Variants in FERMT3 observed in about 807,000 individuals in gnomAD.
FERMT3 encodes the protein FERM domain containing kindlin 3, also known as fermitin family homolog 3.
In FERMT3, 33 loss-of-function variants were observed where a neutral mutation model predicts 80.8. The ratio of observed to expected loss-of-function variants is 0.41; its 90% CI spans 0.31 to 0.55. The LOEUF is 0.55. FERMT3 is among the 20% of genes least tolerant of loss of function. The pLI is 0.31. For missense variants in FERMT3, 754 were observed against 908.7 expected (o/e 0.83, Z 2.19); for synonymous variants, 375 against 372.2 (o/e 1.01, Z -0.09).
At position 64,220,239 on chromosome 11, in the gene FERMT3, T is replaced by C. The variant is rs1946649031; in HGVS notation, c.1224T>C (p.Asp408=). Residue 408 remains aspartate (D), a synonymous_variant, in exon 11 of 15, where the codon GAT becomes GAC. Transcript: ENST00000345728. ...CTCCAGGCTGTGAGGTGGTTCCCGA[T>C]GTTAACGTCTCCGGCCAGAAGTTCT... ...LNLKGCEVVP[D]VNVSGQKFCI... 1 of 1,613,878 alleles carries C rather than the reference T, an allele frequency of 6.2e-7. No individual in the cohort carries two copies. The highest frequency in any genetic ancestry group is 1.3e-5 in the African/African-American group (1 of 75,044).
intron 1 of FERMT3, 46 bp from the exon 2 acceptor site, chr11:64,207,305 G>A: frequency 6.2e-7 from 1 of 1,612,266 alleles, no homozygotes; most frequent in South Asian, 1.1e-5. Context: ...AAACCCGGAG[G>A]CCTACCAGGG....
Position 64,223,101 on chromosome 11 carries a change from T to A in FERMT3, c.1724T>A (p.Ile575Asn). 6.2e-7 allele frequency: 1 copy of A among 1,613,884 alleles called. No individual in the cohort carries two copies. Among genetic ancestry groups the A allele is most frequent in the East Asian group, 2.2e-5 (1 of 44,868 alleles). ...CTGGGCATCGCCAACAACCGACTGA[T>A]CCGCATCGACTTGGCCGTGGGCGAC... Reference protein sequence around the residue: ...EILGIANNRLIRIDLAVGDVV... With the variant: ...EILGIANNRLNRIDLAVGDVV... Residue 575 changes from isoleucine (I) to asparagine (N), a missense_variant, in exon 14 of 15, where the codon ATC becomes AAC. Coordinates refer to ENST00000345728, the MANE Select transcript of FERMT3 (RefSeq NM_031471.6).
In FERMT3 at chr11:64,207,510, T is replaced by C. The variant is rs375241843; in HGVS notation, c.146T>C (p.Ile49Thr). The C allele has an allele frequency of 3.1e-6, 5 of 1,611,234 alleles. No individual in the cohort carries two copies. In the African/African-American group the frequency reaches 4.0e-5, roughly 13 times the overall value. ...CACATCGGCGGGGTGCTCCTGAAGA[T>C]TGTGGAGCAGATCAGTGAGTGTCCG... ...ESHIGGVLLK[I>T]VEQINRKQDW... The change falls in exon 2 of 15, where the codon ATT becomes ACT. Residue 49 changes from isoleucine to threonine, a missense_variant. Ile to Thr is a moderately conservative substitution (Grantham distance 89). Coordinates refer to ENST00000345728, the MANE Select transcript of FERMT3 (RefSeq NM_031471.6).
At chr11:64,208,078 C>A (rs764752671) in intron 2 of FERMT3, among the ~76,000 whole-genome samples, 1 of 151,992 alleles carries the variant, frequency 6.6e-6, no homozygotes, top group South Asian at 2.1e-4. Context: ...AGCAGGAAGA[C>A]CCCGATAGGC....
intron 6 of FERMT3, among the ~76,000 whole-genome samples, chr11:64,218,066 C>T (rs546324316): frequency 1.6e-3 from 231 of 146,514 alleles, no homozygotes; most frequent in African/African-American, 5.4e-3. Flanking sequence ...TGCAGTGGCA[C>T]GATCTCGGCT....
At chr11:64,207,301 G>T (rs1001382865) in intron 1 of FERMT3, 50 bp from the exon 2 acceptor site, 1 of 1,611,080 alleles carries the variant, frequency 6.2e-7, no homozygotes, top group Non-Finnish European at 8.5e-7. Flanking sequence ...GCCCAAACCC[G>T]GAGGCCTACC....
chr11:64,220,172 C>A, intron 10 of FERMT3, 48 bp from the exon 11 acceptor site: 1 of 1,586,170 alleles, frequency 6.3e-7, no homozygotes, highest in Non-Finnish European at 8.7e-7. Flanking sequence ...GGACCTCAGG[C>A]GGCTCTTCCC....
chr11:64,210,508 G>A lies in FERMT3; in HGVS notation c.161-103G>A. ...CTGCCCCACTCTTGGCTTAGGCAGGGCAGGGGAGTGGTCGCCCCAGGCTTC... is the reference window on the plus strand; with the variant it reads ...CTGCCCCACTCTTGGCTTAGGCAGGACAGGGGAGTGGTCGCCCCAGGCTTC... On this transcript the variant is annotated intron_variant, in intron 2 of 14. Transcript: ENST00000345728. The surrounding 1 kb of genome is among the most constrained non-coding windows in gnomAD (Gnocchi z 4.3). 2 of 1,201,932 alleles carry A rather than the reference G, an allele frequency of 1.7e-6. No individual in the cohort carries two copies. The highest frequency in any genetic ancestry group is 2.3e-5 in the East Asian group (1 of 42,610). 74.5% of individuals were successfully genotyped at this position (1,201,932 alleles called of 1,614,324 possible).
At chr11:64,220,081 C>G (rs1591039350) in intron 10 of FERMT3, 66 bp downstream of exon 10, 3 of 1,592,868 alleles carry the variant, frequency 1.9e-6, no homozygotes, top group East Asian at 2.2e-5. Flanking sequence ...GGTGAATGCT[C>G]TCACCGGCCC....
Position 64,223,577 on chromosome 11 carries a change from C to G in FERMT3, c.*85C>G. 1 of 1,467,478 alleles carries G rather than the reference C, an allele frequency of 6.8e-7. No homozygotes were observed. Among genetic ancestry groups the G allele is most frequent in the Non-Finnish European group, 9.2e-7 (1 of 1,083,102 alleles). 90.9% of individuals were successfully genotyped at this position (1,467,478 alleles called of 1,614,324 possible). On this transcript the variant is annotated 3_prime_UTR_variant, in exon 15 of 15. Transcript: ENST00000345728. ...ACCCACAGGGGCTCACTGCCCCACACCCGCTCCAGGCAGGCACCCAGCTGG... is the reference window on the plus strand; with the variant it reads ...ACCCACAGGGGCTCACTGCCCCACAGCCGCTCCAGGCAGGCACCCAGCTGG...
Position 64,223,560 on chromosome 11 carries a change from G to T in FERMT3, c.*68G>T. 1 of 1,530,442 alleles carries T rather than the reference G, an allele frequency of 6.5e-7. No homozygotes were observed. The highest frequency in any genetic ancestry group is 1.2e-5 in the South Asian group (1 of 86,018). The allele number at this position is 1,530,442 out of a possible 1,614,324, so 94.8% of individuals were successfully genotyped here. On this transcript the variant is annotated 3_prime_UTR_variant, in exon 15 of 15. Transcript: ENST00000345728. ...GCCACTCCCAAGCCCACACCCACAGGGGCTCACTGCCCCACACCCGCTCCA... is the reference window on the plus strand; with the variant it reads ...GCCACTCCCAAGCCCACACCCACAGTGGCTCACTGCCCCACACCCGCTCCA...
At position 64,223,172 on chromosome 11, in the gene FERMT3, A is replaced by C. The variant is rs765546233; in HGVS notation, c.1795A>C (p.Asn599His). Residue 599 changes from asparagine (N) to histidine (H), a missense_variant, in exon 14 of 15, where the codon AAC (asparagine) becomes CAC (histidine). Coordinates refer to ENST00000345728, the MANE Select transcript of FERMT3 (RefSeq NM_031471.6). ...CAGCAACATGCGCCAGTGGAATGTC[A>C]ACTGGGACATCCGGCAGGTGGGCCC... The part of the protein sequence containing the change: ...RFSNMRQWNV[N>H]WDIRQVAIEF... 1 of 1,613,894 alleles carries C rather than the reference A, an allele frequency of 6.2e-7. No individual in the cohort carries two copies. The highest frequency in any genetic ancestry group is 1.1e-5 in the South Asian group (1 of 91,092).
rs1946653367 is a variant in FERMT3, at chr11:64,220,419, T to C, written c.1312-17T>C. 1 of 1,610,220 alleles carries C rather than the reference T, an allele frequency of 6.2e-7. No individual in the cohort carries two copies. The highest frequency in any genetic ancestry group is 8.5e-7 in the Non-Finnish European group (1 of 1,179,396). On this transcript the variant is annotated splice_polypyrimidine_tract_variant and intron_variant, in intron 11 of 14. Transcript: ENST00000345728. ...TCAAGCTTGGTTAGCACTGTCCCCC[T>C]CACCCCTCTCGCCCAGGAGCAGCAG... is the stretch of plus-strand genomic sequence containing the variant.
chr11:64,219,983 C>T lies in FERMT3; in HGVS notation c.1172C>T (p.Pro391Leu), dbSNP rs533796385. 2 of 1,613,766 alleles carry T rather than the reference C, an allele frequency of 1.2e-6. No individual in the cohort carries two copies. Among genetic ancestry groups the T allele is most frequent in the East Asian group, 4.5e-5 (2 of 44,868 alleles). ...TACTACAAGAGCCAGGACGAGGCCC[C>T]TGGGGACCCCATTCAGCAGCTCAAC... ...LSYYKSQDEAPGDPIQQLNLK... is the reference protein window; with the variant it reads ...LSYYKSQDEALGDPIQQLNLK... The change falls in exon 10 of 15, where the codon CCT becomes CTT. Residue 391 changes from proline to leucine, a missense_variant. By Grantham distance (98) the Pro-to-Leu change is moderately conservative. Transcript: ENST00000345728. This position sits in a 1 kb window ranked among gnomAD's most constrained non-coding sequence, Gnocchi z 4.0.
intron 12 of FERMT3, 48 bp downstream of exon 12, chr11:64,220,717 A>G (rs1372103450): frequency 1.3e-6 from 2 of 1,514,066 alleles, no homozygotes; most frequent in Non-Finnish European, 9.1e-7. Flanking sequence ...TTACCCAGAG[A>G]CCTCTGACCC....
Position 64,221,052 on chromosome 11 carries a change from G to T in FERMT3, c.1582G>T (p.Ala528Ser). ...GATCCTGGAAGCCCACCAGAATGTG[G>T]CCCAGTTGTCGCTGGCAGAGGCCCA... ...PRILEAHQNV[A>S]QLSLAEAQLR... The change falls in exon 13 of 15, where the codon GCC becomes TCC. Residue 528 changes from alanine to serine, a missense_variant. By Grantham distance (99) the Ala-to-Ser change is moderately conservative. Coordinates refer to ENST00000345728, the MANE Select transcript of FERMT3 (RefSeq NM_031471.6). 1 of 1,612,728 alleles carries T rather than the reference G, an allele frequency of 6.2e-7. No individual in the cohort carries two copies. The highest frequency in any genetic ancestry group is 2.2e-5 in the East Asian group (1 of 44,890).
chr11:64,215,336 A>T (rs1247818869), intron 6 of FERMT3, among the ~76,000 whole-genome samples: 1 of 152,146 alleles, frequency 6.6e-6, no homozygotes, highest in Non-Finnish European at 1.5e-5. Context: ...AGCCATCTGG[A>T]TATCCTGCTT....
intron 2 of FERMT3, among the ~76,000 whole-genome samples, chr11:64,209,103 G>A (rs2134835220): frequency 6.6e-6 from 1 of 152,256 alleles, no homozygotes; most frequent in Admixed American, 6.5e-5. Flanking sequence ...AGGATGCCTG[G>A]GCCTTTGGCG....
chr11:64,219,891 G>A lies in FERMT3; in HGVS notation c.1080G>A (p.Arg360=), dbSNP rs1459312515. The A allele has an allele frequency of 2.5e-6, 4 of 1,613,904 alleles. No individual in the cohort carries two copies. Among genetic ancestry groups the A allele is most frequent in the Non-Finnish European group, 3.4e-6 (4 of 1,180,012 alleles). ...PELKDHLRIF[R]PRKLTLKGYR... is the part of the protein sequence containing the mutation. Reference sequence around the variant, plus strand: ...TCACAAACCCCAGCATCCCACGAAGGCCCCGGAAGCTGACCCTGAAGGGCT... The same window carrying A: ...TCACAAACCCCAGCATCCCACGAAGACCCCGGAAGCTGACCCTGAAGGGCT... Residue 360 remains arginine, a splice_region_variant and synonymous_variant, in exon 10 of 15, where the codon CGG becomes CGA. Transcript: ENST00000345728. The surrounding 1 kb of genome is among the most constrained non-coding windows in gnomAD (Gnocchi z 4.0).
Sources: gnomAD v4.1 joint callset for allele counts (sites outside exome capture counted in the v4.1 genomes callset) on GRCh38, gnomAD v4.1.1 for gene constraint, Gnocchi (gnomAD v3.1) non-coding constraint, MANE v1.5 for transcripts, NCBI Gene and HGNC (gene_info 2026-07-23, HGNC 2026-07-21) for gene names.